The following RFX1 variants were observed in gnomAD, a reference collection of about 807,000 sequenced individuals.
RFX1 encodes the protein MHC class II regulatory factor RFX1.
A neutral mutation model predicts 119.6 loss-of-function variants in RFX1; 42 were observed. That is an observed-to-expected ratio of 0.35 (90% CI 0.27 to 0.45). The LOEUF (loss-of-function observed/expected upper bound fraction) is 0.45, where lower values mean the gene tolerates loss of function less well. Among genes scored for constraint, RFX1 ranks in the 20% least tolerant of loss-of-function variants. The pLI is 1.00. For synonymous variants in RFX1, 628 were observed against 618.5 expected, an observed-to-expected ratio of 1.02 and a Z score of -0.23; for missense variants, 1,118 against 1,368.1, an observed-to-expected ratio of 0.82 and a Z score of 2.88.
chr19:13,979,485 T>C lies in RFX1; in HGVS notation c.796A>G (p.Thr266Ala). The C allele has an allele frequency of 6.2e-7, 1 of 1,600,176 alleles. No homozygotes were observed. The highest frequency in any genetic ancestry group is 8.5e-7 in the Non-Finnish European group (1 of 1,172,588). Reference sequence around the variant, plus strand: ...TGGACTGGCTGGAGGCCCTGCACGGTCAGCGGCTGCACCGGGCCGGGTTTG... The same window carrying C: ...TGGACTGGCTGGAGGCCCTGCACGGCCAGCGGCTGCACCGGGCCGGGTTTG... ...APKPGPVQPL[T>A]VQGLQPVHVA... Residue 266 changes from threonine to alanine, a missense_variant, in exon 7 of 21, where the codon ACC (threonine) becomes GCC (alanine). Transcript: ENST00000254325.
chr19:13,965,612 G>C lies in RFX1; in HGVS notation c.2113+14C>G, dbSNP rs1420027834. 6.2e-7 allele frequency: 1 copy of C among 1,612,916 alleles called. No individual in the cohort carries two copies. Among genetic ancestry groups the C allele is most frequent in the South Asian group, 1.1e-5 (1 of 91,052 alleles). ...TATGTGGGGCAGGGGATGCCGAGCA[G>C]GCCGAGCACTCACTGGGGATGGGCC... On this transcript the variant is annotated intron_variant, in intron 15 of 20. Transcript: ENST00000254325. This position sits in a 1 kb window ranked among gnomAD's most constrained non-coding sequence, Gnocchi z 4.7.
chr19:13,965,444 C>T lies in RFX1; in HGVS notation c.2211+5G>A. 1 of 1,613,140 alleles carries T rather than the reference C, an allele frequency of 6.2e-7. No homozygotes were observed. Among genetic ancestry groups the T allele is most frequent in the Non-Finnish European group, 8.5e-7 (1 of 1,179,270 alleles). On this transcript the variant is annotated splice_donor_5th_base_variant and intron_variant, in intron 16 of 20. Transcript: ENST00000254325. This position sits in a 1 kb window ranked among gnomAD's most constrained non-coding sequence, Gnocchi z 4.7. ...TAGGAGAAAGGGACCCCCTCACACT[C>T]TCACCTTCACCCGCAGCATCTCCTC...
intron 4 of RFX1, 60 bp downstream of exon 4, chr19:13,983,127 G>T: frequency 7.9e-7 from 1 of 1,270,184 alleles, no homozygotes. Context: ...TTGCCACAGG[G>T]GGTTGGTCCT....
At chr19:13,983,731 C>A in intron 2 of RFX1, 136 bp from the exon 3 acceptor site, 1 of 691,688 alleles carries the variant, frequency 1.4e-6, no homozygotes, top group Non-Finnish European at 2.4e-6. Context: ...TCCTGCTTCC[C>A]CCTGGCCAGC....
intron 1 of RFX1, among the ~76,000 whole-genome samples, chr19:13,994,937 T>TAA (rs1555756389): frequency 3.0e-4 from 33 of 111,484 alleles, no homozygotes; most frequent in Admixed American, 5.8e-4. Flanking sequence ...TATATATATA[T>TAA]AATCATTTTT....
Position 13,969,925 on chromosome 19 carries a change from G to T in RFX1, c.1496+69C>A. 6.7e-7 allele frequency: 1 copy of T among 1,481,752 alleles called. No individual in the cohort carries two copies. Among genetic ancestry groups the T allele is most frequent in the Non-Finnish European group, 9.1e-7 (1 of 1,096,274 alleles). 91.8% of individuals were successfully genotyped at this position (1,481,752 alleles called of 1,614,324 possible). On this transcript the variant is annotated intron_variant, in intron 10 of 20. Transcript: ENST00000254325. This position sits in a 1 kb window ranked among gnomAD's most constrained non-coding sequence, Gnocchi z 4.5. Reference sequence around the variant, plus strand: ...GGACTGGACTGCCTGAGATGACTCGGAGTGGGGGTGGGCCTTGGCATGCCC... The same window carrying T: ...GGACTGGACTGCCTGAGATGACTCGTAGTGGGGGTGGGCCTTGGCATGCCC...
chr19:13,961,979 GGCGGGGGC>G lies in RFX1; in HGVS notation c.*708_*715del, dbSNP rs1599466794. The stretch of plus-strand genomic sequence containing the variant: ...GTTCCATTACAAACCAGCGGCGGAG[GGCGGGGGC>G]GCGGGGGCTGGGGTCTGTGGGCACT... On this transcript the variant is annotated 3_prime_UTR_variant, in exon 21 of 21. Transcript: ENST00000254325. 1.3e-5 allele frequency: 2 copies of G among 152,314 alleles called. No homozygotes were observed. Among genetic ancestry groups the G allele is most frequent in the African/African-American group, 2.4e-5 (1 of 41,454 alleles). The allele number at this position is 152,314 out of a possible 1,614,324, so 9.4% of individuals were successfully genotyped here.
At chr19:13,983,639 C>G in intron 2 of RFX1, 44 bp from the exon 3 acceptor site, 4 of 1,485,530 alleles carry the variant, frequency 2.7e-6, no homozygotes, top group African/African-American at 1.4e-5. Context: ...GCTTTCCCTG[C>G]CCCCAGCCTA....
At chr19:13,984,260 G>C (rs961702766) in intron 2 of RFX1, among the ~76,000 whole-genome samples, 2 of 151,336 alleles carry the variant, frequency 1.3e-5, no homozygotes. Flanking sequence ...GTCCAGGGGG[G>C]CCTGCCTGGC....
rs746852760 is a variant in RFX1, at chr19:13,968,699, G to T, written c.1617-19C>A. ...CTTGAGCCTGGAGTAGAATGGGCAGGTGGGCCGGCTGCTGGGGGCCGGCCT... is the reference window on the plus strand; with the variant it reads ...CTTGAGCCTGGAGTAGAATGGGCAGTTGGGCCGGCTGCTGGGGGCCGGCCT... On this transcript the variant is annotated intron_variant, in intron 11 of 20. Transcript: ENST00000254325. The surrounding 1 kb of genome is among the most constrained non-coding windows in gnomAD (Gnocchi z 5.5). 3 of 1,612,042 alleles carry T rather than the reference G, an allele frequency of 1.9e-6. 1 individual carries two copies. In the South Asian group the frequency reaches 3.3e-5, roughly 18 times the overall value.
intron 1 of RFX1, among the ~76,000 whole-genome samples, chr19:13,996,114 G>A (rs192986073): frequency 6.6e-6 from 1 of 152,270 alleles, no homozygotes; most frequent in African/African-American, 2.4e-5. Context: ...TGCTGGGCTG[G>A]GCATGGCCTC....
chr19:13,974,179 T>C (rs1462981016), intron 8 of RFX1, among the ~76,000 whole-genome samples: 1 of 151,478 alleles, frequency 6.6e-6, no homozygotes, highest in African/African-American at 2.4e-5. Context: ...TAACAGAAGG[T>C]GATCAGGCAG....
In RFX1 at chr19:13,978,049, T is replaced by A. The variant is rs758960034; in HGVS notation, c.872A>T (p.Tyr291Phe). ...CTCCACATACTGCACCTGGCTGGAG[T>A]ACACGTGTGGGACGGGCACCTGCTG... ...QLQQVPVPHV[Y>F]SSQVQYVEGG... Residue 291 changes from tyrosine (Y) to phenylalanine (F), a missense_variant, in exon 8 of 21, where the codon TAC becomes TTC. Physicochemically the swap from Tyr to Phe is conservative, Grantham distance 22. Around this residue, in one of 5 missense-constraint regions of RFX1, gnomAD observed 542 missense variants for 602.7 expected, o/e 0.90. Coordinates refer to ENST00000254325, the MANE Select transcript of RFX1 (RefSeq NM_002918.5). 4 of 1,613,270 alleles carry A rather than the reference T, an allele frequency of 2.5e-6. No homozygotes were observed. The East Asian group carries it at 8.9e-5, about 36-fold the overall frequency.
chr19:13,971,715 A>T (rs1398710491), intron 9 of RFX1, among the ~76,000 whole-genome samples: 2 of 152,024 alleles, frequency 1.3e-5, no homozygotes, highest in East Asian at 1.9e-4. Flanking sequence ...TACAAAAAAA[A>T]TTTTTTAAAA....
In RFX1 at chr19:13,968,825, C is replaced by A; in HGVS notation, c.1566G>T (p.Glu522Asp). The A allele has an allele frequency of 6.4e-7, 1 of 1,560,802 alleles. No individual in the cohort carries two copies. The highest frequency in any genetic ancestry group is 8.7e-7 in the Non-Finnish European group (1 of 1,152,476). ...CCCGCATGGCCATGTGCTGCTGGTC[C>A]TCCATCAGCCGCAGCAGGGGTGAGC... Reference protein sequence around the residue: ...KASSPLLRLMEDQQHMAMRGQ... With the variant: ...KASSPLLRLMDDQQHMAMRGQ... The change falls in exon 11 of 21, where the codon GAG (glutamate) becomes GAT (aspartate). Residue 522 changes from glutamate to aspartate, a missense_variant. Coordinates refer to ENST00000254325, the MANE Select transcript of RFX1 (RefSeq NM_002918.5). The surrounding 1 kb of genome is among the most constrained non-coding windows in gnomAD (Gnocchi z 5.5).
intron 2 of RFX1, among the ~76,000 whole-genome samples, chr19:13,989,365 T>C (rs1252042824): frequency 6.6e-6 from 1 of 151,888 alleles, no homozygotes; most frequent in Non-Finnish European, 1.5e-5. Context: ...ATTTTTGCAT[T>C]TTGTTTTTGT....
chr19:13,979,263 C>A (rs1167862750), intron 7 of RFX1, among the ~76,000 whole-genome samples, 184 bp downstream of exon 7: 1 of 152,196 alleles, frequency 6.6e-6, no homozygotes, highest in African/African-American at 2.4e-5. Flanking sequence ...GGGTTTGAAT[C>A]CAGATCTCTC....
intron 18 of RFX1, 37 bp from the exon 19 acceptor site, chr19:13,963,312 G>C (rs1433873512): frequency 6.3e-7 from 1 of 1,576,742 alleles, no homozygotes; most frequent in Non-Finnish European, 8.6e-7. Context: ...GTCAGGCCCC[G>C]TCCGGCCCGA....
chr19:13,965,563 G>T lies in RFX1; in HGVS notation c.2114-17C>A. The T allele has an allele frequency of 6.2e-7, 1 of 1,613,188 alleles. No individual in the cohort carries two copies. Among genetic ancestry groups the T allele is most frequent in the Non-Finnish European group, 8.5e-7 (1 of 1,179,872 alleles). On this transcript the variant is annotated splice_polypyrimidine_tract_variant and intron_variant, in intron 15 of 20. Transcript: ENST00000254325. The surrounding 1 kb of genome is among the most constrained non-coding windows in gnomAD (Gnocchi z 4.7). ...TCAAGGCACCTGTGGGCGGTGGCGG[G>T]GGTCGGTCAGGGCAGGGCGGGTGTA...
Sources: gnomAD v4.1 joint callset for allele counts (sites outside exome capture counted in the v4.1 genomes callset) on GRCh38, gnomAD v4.1.1 for gene constraint, gnomAD v4.1.1 regional missense constraint, Gnocchi (gnomAD v3.1) non-coding constraint, MANE v1.5 for transcripts, NCBI Gene and HGNC (gene_info 2026-07-23, HGNC 2026-07-21) for gene names.